PML: variants seen among roughly 807,000 people sequenced by gnomAD.
PML encodes PML nuclear body scaffold.
In PML, 28 loss-of-function variants were observed where a neutral mutation model predicts 65.2. That is an observed-to-expected ratio of 0.43 (90% CI 0.32 to 0.59). PML has a LOEUF of 0.59. Ranked by LOEUF, PML falls within the 20% of genes least tolerant of loss-of-function variation. PML has a pLI of 0.08. For missense variants in PML, 1,021 were observed against 1,203.4 expected (o/e 0.85, Z 2.24); for synonymous variants, 500 against 508.8 (o/e 0.98, Z 0.23).
chr15:74,027,629 A>AT (rs2071139071), intron 4 of PML: 1 of 152,194 alleles, frequency 6.6e-6, no homozygotes, highest in East Asian at 1.9e-4. Flanking sequence ...TGTCTTCCAG[A>AT]TGCTAGTCAT....
At position 74,022,941 on chromosome 15, in the gene PML, A is replaced by G. The variant is rs745581079; in HGVS notation, c.716A>G (p.Glu239Gly). ...GCAGAGATCCAGCAGCGACAGGAGG[A>G]GCTGGACGCCATGACGCAGGCGCTG... ...ISAEIQQRQE[E>G]LDAMTQALQE... is the part of the protein sequence containing the mutation. Residue 239 changes from glutamate to glycine, a missense_variant, in exon 3 of 9, where the codon GAG becomes GGG. Glu to Gly is a moderately conservative substitution (Grantham distance 98, BLOSUM62 -2). Coordinates refer to ENST00000268058, the MANE Select transcript of PML (RefSeq NM_033238.3). 1 of 1,611,752 alleles carries G rather than the reference A, an allele frequency of 6.2e-7. No individual in the cohort carries two copies. The highest frequency in any genetic ancestry group is 1.3e-5 in the African/African-American group (1 of 74,894).
rs202182247 is a variant in PML, at chr15:74,035,399, G to A, written c.1710+869G>A. 7 of 1,611,784 alleles carry A rather than the reference G, an allele frequency of 4.3e-6. No homozygotes were observed. The East Asian group carries it at 1.6e-4, about 36-fold the overall frequency. ...CTCACAGCGAGCCTCCTGATCACCA[G>A]GAGCGCCCTGCCGTCCACCGTGGGA... On this transcript the variant is annotated intron_variant, in intron 7 of 8. Transcript: ENST00000268058. The surrounding 1 kb of genome is among the most constrained non-coding windows in gnomAD (Gnocchi z 4.1).
At position 74,037,633 on chromosome 15, in the gene PML, C is replaced by T. The variant is rs1377167591; in HGVS notation, c.1710+3103C>T. ...GCCAGTACCAGGGTGGCCTCTGTGC[C>T]TCTAGGTGCAGTGTCGCGTTTAGTC... is the stretch of plus-strand genomic sequence containing the variant. On this transcript the variant is annotated intron_variant, in intron 7 of 8. Transcript: ENST00000268058. This position sits in a 1 kb window ranked among gnomAD's most constrained non-coding sequence, Gnocchi z 4.2. 3.0e-6 allele frequency: 3 copies of T among 985,408 alleles called. No homozygotes were observed. The East Asian group carries it at 3.4e-4, about 112-fold the overall frequency. 61.0% of individuals were successfully genotyped at this position (985,408 alleles called of 1,614,324 possible).
At chr15:74,005,943 C>T (rs1223579811) in intron 2 of PML, among the ~76,000 whole-genome samples, 1 of 152,088 alleles carries the variant, frequency 6.6e-6, no homozygotes, top group Non-Finnish European at 1.5e-5. Context: ...CCCACGAGCC[C>T]CAGATGGTGT....
chr15:74,043,435 G>A lies in PML; in HGVS notation c.1861+296G>A, dbSNP rs2071735369. ...AGAGAGCCTGGGGAACACACTCCTA[G>A]ACAGAAACACAATGCGTGAGCTCAT... On this transcript the variant is annotated intron_variant, in intron 8 of 8. Coordinates refer to ENST00000268058, the MANE Select transcript of PML (RefSeq NM_033238.3). The surrounding 1 kb of genome is among the most constrained non-coding windows in gnomAD (Gnocchi z 4.3). 1 of 1,358,266 alleles carries A rather than the reference G, an allele frequency of 7.4e-7. No homozygotes were observed. The highest frequency in any genetic ancestry group is 2.7e-5 in the East Asian group (1 of 36,966). 84.1% of individuals were successfully genotyped at this position (1,358,266 alleles called of 1,614,324 possible). A position where few individuals can be genotyped will look rare whatever the true frequency, so the allele number is the denominator to read the frequency against.
chr15:74,039,200 G>A (rs972998940), intron 7 of PML, among the ~76,000 whole-genome samples: 5 of 152,300 alleles, frequency 3.3e-5, no homozygotes, highest in South Asian at 2.1e-4. Context: ...GGGAGGGGCC[G>A]TGGCACTGGT....
intron 2 of PML, among the ~76,000 whole-genome samples, chr15:74,001,730 CA>C (rs1294914222): frequency 6.6e-6 from 1 of 152,044 alleles, no homozygotes; most frequent in Non-Finnish European, 1.5e-5. Context: ...TTCTCATAGT[CA>C]ATCATTTCTC....
chr15:74,044,496 C>G lies in PML; in HGVS notation c.2137C>G (p.Leu713Val), dbSNP rs745598226. ...AISGFLAALP[L>V]IRERVPGASS... The stretch of plus-strand genomic sequence containing the variant: ...CTCGGGCTTCCTGGCTGCCCTGCCT[C>G]TCATCCGGGAGCGTGTGCCCGGGGC... The change falls in exon 9 of 9, where the codon CTC becomes GTC. Residue 713 changes from leucine (L) to valine (V), a missense_variant. By Grantham distance (32) the Leu-to-Val change is conservative. Transcript: ENST00000268058. 6 of 1,614,038 alleles carry G rather than the reference C, an allele frequency of 3.7e-6. No individual in the cohort carries two copies. The highest frequency in any genetic ancestry group is 1.3e-5 in the African/African-American group (1 of 74,950).
chr15:74,010,146 A>C (rs1286115435), intron 2 of PML, among the ~76,000 whole-genome samples: 1 of 148,738 alleles, frequency 6.7e-6, no homozygotes, highest in African/African-American at 2.5e-5. Flanking sequence ...CCCAAGTATA[A>C]TAGCTGGGAC....
intron 7 of PML, among the ~76,000 whole-genome samples, chr15:74,039,848 G>A (rs138399882): frequency 2.0e-5 from 3 of 152,296 alleles, no homozygotes; most frequent in East Asian, 3.9e-4. Flanking sequence ...GTGTAATACC[G>A]CAGAGGAGGG....
At position 73,994,726 on chromosome 15, in the gene PML, A is replaced by C; in HGVS notation, c.-87A>C. The C allele has an allele frequency of 7.1e-7, 1 of 1,417,550 alleles. No homozygotes were observed. The highest frequency in any genetic ancestry group is 9.7e-7 in the Non-Finnish European group (1 of 1,027,316). The allele number at this position is 1,417,550 out of a possible 1,614,324, so 87.8% of individuals were successfully genotyped here. On this transcript the variant is annotated 5_prime_UTR_variant, in exon 1 of 9. Coordinates refer to ENST00000268058, the MANE Select transcript of PML (RefSeq NM_033238.3). ...CCTCCCCTTTCGGACAGCTCAAGGGACTCAGCCAACTGGCTCACGCCTCCC... is the reference window on the plus strand; with the variant it reads ...CCTCCCCTTTCGGACAGCTCAAGGGCCTCAGCCAACTGGCTCACGCCTCCC...
chr15:74,022,417 CAT>C (rs1194701360), intron 2 of PML, among the ~76,000 whole-genome samples: 2 of 152,282 alleles, frequency 1.3e-5, no homozygotes, highest in Admixed American at 6.5e-5. Context: ...GCATGGCTGA[CAT>C]GTGTCAAGTC....
At position 73,994,833 on chromosome 15, in the gene PML, A is replaced by G. The variant is rs1181010343; in HGVS notation, c.21A>G (p.Arg7=). The change falls in exon 1 of 9, where the codon CGA becomes CGG. Residue 7 remains arginine, a synonymous_variant. Coordinates refer to ENST00000268058, the MANE Select transcript of PML (RefSeq NM_033238.3). The part of the protein sequence containing the change: MEPAPA[R]SPRPQQDPAR... ...GGTCCATGGAGCCTGCACCCGCCCG[A>G]TCTCCGAGGCCCCAGCAGGACCCCG... The G allele has an allele frequency of 2.0e-5, 31 of 1,557,658 alleles. No individual in the cohort carries two copies. The highest frequency in any genetic ancestry group is 2.0e-5 in the Non-Finnish European group (23 of 1,150,692).
At chr15:73,995,856 G>A (rs575159389) in intron 1 of PML, among the ~76,000 whole-genome samples, 18 of 152,248 alleles carry the variant, frequency 1.2e-4, no homozygotes, top group African/African-American at 4.1e-4. Context: ...CCGGGTTCAC[G>A]CCATTCTCCT....
intron 2 of PML, among the ~76,000 whole-genome samples, chr15:74,016,790 A>ATATTTTTTTTT (rs1419052993): frequency 1.6e-5 from 1 of 64,470 alleles, no homozygotes; most frequent in Admixed American, 1.5e-4. Context: ...AGGCAGTGGC[A>ATATTTTTTTTT]TCTTTTTTTT....
chr15:74,035,598 GC>G lies in PML; in HGVS notation c.1710+1071del, dbSNP rs1220821673. ...TCCTGCCAATGCCCAGGAACATCCT[GC>G]CCAGCTGCAAAGGGGCATCAGCCCA... On this transcript the variant is annotated intron_variant, in intron 7 of 8. Transcript: ENST00000268058. This position sits in a 1 kb window ranked among gnomAD's most constrained non-coding sequence, Gnocchi z 4.1. The G allele has an allele frequency of 1.9e-6, 3 of 1,612,646 alleles. No homozygotes were observed. The highest frequency in any genetic ancestry group is 2.5e-6 in the Non-Finnish European group (3 of 1,179,980).
intron 2 of PML, among the ~76,000 whole-genome samples, chr15:74,003,337 T>C (rs1381927772): frequency 1.3e-5 from 2 of 150,942 alleles, no homozygotes; most frequent in African/African-American, 4.9e-5. Context: ...GAGGCTGAGG[T>C]AGGAGAATTG....
rs1249009002 is a variant in PML, at chr15:74,043,731, A to C, written c.1862-490A>C. Reference sequence around the variant, plus strand: ...CCAGACAGAAACAGCAAGTGTTTTCATGGTACAGAAAAGTCATTTGCAGAC... The same window carrying C: ...CCAGACAGAAACAGCAAGTGTTTTCCTGGTACAGAAAAGTCATTTGCAGAC... On this transcript the variant is annotated intron_variant, in intron 8 of 8. Transcript: ENST00000268058. This position sits in a 1 kb window ranked among gnomAD's most constrained non-coding sequence, Gnocchi z 4.3. The C allele has an allele frequency of 3.8e-6, 2 of 529,234 alleles. No individual in the cohort carries two copies. Among genetic ancestry groups the C allele is most frequent in the South Asian group, 2.8e-5 (2 of 71,680 alleles). The allele number at this position is 529,234 out of a possible 1,614,324, so 32.8% of individuals were successfully genotyped here.
At chr15:74,040,452 T>A (rs2071670650) in intron 7 of PML, among the ~76,000 whole-genome samples, 1 of 152,180 alleles carries the variant, frequency 6.6e-6, no homozygotes, top group Non-Finnish European at 1.5e-5. Flanking sequence ...CCAGTTATCC[T>A]AATTTGCGGA....
Sources: gnomAD v4.1 joint callset for allele counts (sites outside exome capture counted in the v4.1 genomes callset) on GRCh38, gnomAD v4.1.1 for gene constraint, Gnocchi (gnomAD v3.1) non-coding constraint, MANE v1.5 for transcripts, NCBI Gene and HGNC (gene_info 2026-07-23, HGNC 2026-07-21) for gene names.